ZFHX3: variants seen among roughly 807,000 people sequenced by gnomAD.
ZFHX3 encodes zinc finger homeobox 3.
ZFHX3 carries 42 observed loss-of-function variants against 279.1 expected under a neutral mutation model. The observed-to-expected ratio is 0.15, with a 90% CI of 0.12 to 0.19. ZFHX3 has a LOEUF of 0.19. Ranked by LOEUF, ZFHX3 falls within the 10% of genes least tolerant of loss-of-function variation. ZFHX3 has a pLI of 1.00. For missense variants in ZFHX3, 4,981 were observed against 4,754.0 expected (o/e 1.05, Z -1.40); for synonymous variants, 2,293 against 1,957.8 (o/e 1.17, Z -4.52).
intron 5 of ZFHX3, among the ~76,000 whole-genome samples, chr16:73,182,055 C>A (rs1457057734): frequency 3.9e-5 from 6 of 152,192 alleles, no homozygotes; most frequent in Non-Finnish European, 7.3e-5. Flanking sequence ...TACAAGGGTA[C>A]AGAATAGGCT....
chr16:73,695,000 C>G (rs1172114061), intron 1 of ZFHX3, among the ~76,000 whole-genome samples: 1 of 152,220 alleles, frequency 6.6e-6, no homozygotes, highest in Non-Finnish European at 1.5e-5. Flanking sequence ...GTGTGGCTAA[C>G]TCCAAGCCAG....
intron 4 of ZFHX3, among the ~76,000 whole-genome samples, chr16:72,863,221 G>A (rs2037926809): frequency 6.6e-6 from 1 of 151,742 alleles, no homozygotes; most frequent in Admixed American, 6.6e-5. Flanking sequence ...GAGAGATACA[G>A]GTCAGGCATG....
intron 5 of ZFHX3, among the ~76,000 whole-genome samples, chr16:73,223,689 C>G (rs1414323488): frequency 6.6e-6 from 1 of 152,180 alleles, no homozygotes; most frequent in Non-Finnish European, 1.5e-5. Flanking sequence ...GATCCAGAAA[C>G]TATTCTCCTT....
chr16:73,371,256 G>A (rs1186060207), intron 3 of ZFHX3, among the ~76,000 whole-genome samples: 4 of 151,648 alleles, frequency 2.6e-5, no homozygotes, highest in Non-Finnish European at 5.9e-5. Flanking sequence ...GCAGTGAGCC[G>A]AGATCGCACC....
chr16:73,132,357 T>A lies in ZFHX3; in HGVS notation c.-1023-1263A>T, dbSNP rs8049794. On this transcript the variant is annotated intron_variant, in intron 6 of 17. Transcript: ENST00000641206. ...TTTAGAGAGGACCCAAACTTGTGCC[T>A]CCCTGGAGAAAACTTTATGGTGTCA... Among the ~76,000 whole-genome samples, 74 of 152,224 alleles carry A rather than the reference T, an allele frequency of 4.9e-4. 1 individual carries two copies. The highest frequency in any genetic ancestry group is 1.8e-3 in the African/African-American group (73 of 41,510).
chr16:73,423,778 C>T (rs2017760831), intron 3 of ZFHX3, among the ~76,000 whole-genome samples: 1 of 151,614 alleles, frequency 6.6e-6, no homozygotes, highest in Non-Finnish European at 1.5e-5. Context: ...AGGAGAATCG[C>T]TTGAACCTGG....
intron 4 of ZFHX3, among the ~76,000 whole-genome samples, chr16:73,310,616 A>C (rs1211135442): frequency 6.6e-6 from 1 of 152,216 alleles, no homozygotes; most frequent in Non-Finnish European, 1.5e-5. Context: ...TATAGTACAT[A>C]GGACCATCCT....
chr16:73,110,566 A>AT (rs1173206343), intron 7 of ZFHX3, among the ~76,000 whole-genome samples: 3 of 152,134 alleles, frequency 2.0e-5, no homozygotes, highest in South Asian at 2.1e-4. Context: ...AATTCTTTGT[A>AT]TTTTGTCCCA....
At chr16:73,564,687 G>A (rs553173922) in intron 2 of ZFHX3, among the ~76,000 whole-genome samples, 2 of 152,180 alleles carry the variant, frequency 1.3e-5, no homozygotes, top group Admixed American at 6.5e-5. Flanking sequence ...AACTTCCACC[G>A]GCTCTGTTTT....
At chr16:73,511,050 G>A (rs2019419522) in intron 2 of ZFHX3, among the ~76,000 whole-genome samples, 1 of 152,230 alleles carries the variant, frequency 6.6e-6, no homozygotes, top group African/African-American at 2.4e-5. Context: ...CTTCTTTGAT[G>A]TTGTCAGATG....
chr16:73,365,995 A>C (rs935667435), intron 3 of ZFHX3, among the ~76,000 whole-genome samples: 14 of 152,320 alleles, frequency 9.2e-5, no homozygotes, highest in Admixed American at 7.8e-4. Context: ...AAAAAGGAAT[A>C]ATTGATGGTG....
intron 1 of ZFHX3, among the ~76,000 whole-genome samples, chr16:73,040,699 C>A (rs117110076): frequency 1.8e-3 from 281 of 152,310 alleles, no homozygotes; most frequent in Middle Eastern, 0.014. Context: ...TTTATTTCTT[C>A]CAAGGTGGTA....
At chr16:72,892,739 T>G (rs1007260290) in intron 3 of ZFHX3, among the ~76,000 whole-genome samples, 1 of 152,236 alleles carries the variant, frequency 6.6e-6, no homozygotes, top group East Asian at 1.9e-4. Context: ...AACTCCTGAC[T>G]TCAAGCGATC....
chr16:73,848,787 A>G (rs1475252936), intron 1 of ZFHX3, among the ~76,000 whole-genome samples: 3 of 152,196 alleles, frequency 2.0e-5, no homozygotes, highest in Non-Finnish European at 4.4e-5. Flanking sequence ...TCCATGTGTA[A>G]TGGTGCTAAA....
chr16:73,508,528 A>G (rs1025576180), intron 2 of ZFHX3, among the ~76,000 whole-genome samples: 2 of 152,192 alleles, frequency 1.3e-5, no homozygotes, highest in African/African-American at 4.8e-5. Flanking sequence ...CACACATGTG[A>G]GTTAGGAGGA....
rs187214890 is a variant in ZFHX3, at chr16:73,324,970, G to A, written c.-1290-6634C>T. Among the ~76,000 whole-genome samples, 37 of 152,266 alleles carry A rather than the reference G, an allele frequency of 2.4e-4. No homozygotes were observed. The East Asian group carries it at 2.7e-3, about 11-fold the overall frequency. On this transcript the variant is annotated intron_variant, in intron 3 of 17. Coordinates refer to the ZFHX3 transcript ENST00000641206. Reference sequence around the variant, plus strand: ...ACTTTTATTCTAAAAATCAAGATTGGACAGGCATAAAATTAAATAATAAAA... The same window carrying A: ...ACTTTTATTCTAAAAATCAAGATTGAACAGGCATAAAATTAAATAATAAAA...
At chr16:73,358,373 G>A (rs1167081887) in intron 3 of ZFHX3, among the ~76,000 whole-genome samples, 2 of 152,248 alleles carry the variant, frequency 1.3e-5, no homozygotes, top group Non-Finnish European at 2.9e-5. Flanking sequence ...GATGTGAGCT[G>A]CACTGTGAAG....
At chr16:72,922,228 G>C (rs1294640561) in intron 3 of ZFHX3, among the ~76,000 whole-genome samples, 1 of 152,124 alleles carries the variant, frequency 6.6e-6, no homozygotes, top group African/African-American at 2.4e-5. Flanking sequence ...TCCTCTCTTT[G>C]CACCCAATTC....
At chr16:73,734,263 A>T (rs1343451100) in intron 1 of ZFHX3, among the ~76,000 whole-genome samples, 1 of 152,162 alleles carries the variant, frequency 6.6e-6, no homozygotes, top group African/African-American at 2.4e-5. Context: ...GGGTTAGGGG[A>T]TGGACTTTTG....
Sources: allele counts gnomAD v4.1 joint callset (sites outside exome capture counted in the v4.1 genomes callset), GRCh38; gene constraint gnomAD v4.1.1; transcripts MANE v1.5; gene names NCBI Gene and HGNC (gene_info 2026-07-23, HGNC 2026-07-21).